The following NEGR1 variants were observed in gnomAD, a reference collection of about 807,000 sequenced individuals.
NEGR1 encodes the protein neuronal growth regulator 1.
NEGR1 carries 10 observed loss-of-function variants against 40.9 expected under a neutral mutation model. That is an observed-to-expected ratio of 0.24 (90% confidence interval 0.15 to 0.42). NEGR1 has a LOEUF of 0.42. NEGR1 is among the 10% of genes least tolerant of loss of function. The pLI is 1.00. For missense variants in NEGR1, 352 were observed against 438.9 expected (o/e 0.80, Z 1.77); for synonymous variants, 185 against 166.8 (o/e 1.11, Z -0.84).
intron 6 of NEGR1, among the ~76,000 whole-genome samples, chr1:71,470,272 A>G (rs548611921): frequency 1.8e-4 from 27 of 152,062 alleles, no homozygotes; most frequent in African/African-American, 6.0e-4. Context: ...CATGTTTATT[A>G]CAGATACTGA....
intron 6 of NEGR1, among the ~76,000 whole-genome samples, chr1:71,470,929 C>T (rs1462689088): frequency 6.6e-6 from 1 of 152,078 alleles, no homozygotes. Flanking sequence ...TGCTTCTCTC[C>T]TCATTTTGTT....
chr1:71,749,744 A>G (rs1655504391), intron 3 of NEGR1, among the ~76,000 whole-genome samples: 2 of 152,218 alleles, frequency 1.3e-5, no homozygotes, highest in African/African-American at 4.8e-5. Context: ...TTCCTGTTCA[A>G]TATTTAGAAG....
intron 1 of NEGR1, among the ~76,000 whole-genome samples, chr1:72,040,792 T>A (rs777694288): frequency 1.3e-5 from 2 of 151,774 alleles, no homozygotes; most frequent in African/African-American, 2.4e-5. Flanking sequence ...ATTGAAGTTG[T>A]AAAAAATAGC....
chr1:71,838,320 A>C (rs2101799431), intron 2 of NEGR1, among the ~76,000 whole-genome samples: 1 of 152,274 alleles, frequency 6.6e-6, no homozygotes, highest in Non-Finnish European at 1.5e-5. Flanking sequence ...TAACCATGTA[A>C]GAAAGCACAT....
intron 6 of NEGR1, among the ~76,000 whole-genome samples, chr1:71,555,787 C>G (rs577029161): frequency 1.1e-4 from 17 of 151,568 alleles, no homozygotes; most frequent in African/African-American, 3.9e-4. Context: ...TTTCTGTAAT[C>G]CAAGAAGTTG....
intron 2 of NEGR1, among the ~76,000 whole-genome samples, chr1:71,931,350 T>C (rs1645853761): frequency 6.6e-6 from 1 of 152,200 alleles, no homozygotes; most frequent in African/African-American, 2.4e-5. Context: ...CAATCTAGAC[T>C]TTAAACGTCA....
intron 1 of NEGR1, among the ~76,000 whole-genome samples, chr1:72,007,038 C>A (rs543169673): frequency 2.0e-4 from 30 of 152,196 alleles, no homozygotes; most frequent in Admixed American, 6.5e-4. Context: ...ACCATTCCTT[C>A]CAAAAGTCAA....
intron 4 of NEGR1, among the ~76,000 whole-genome samples, chr1:71,659,529 T>C (rs1651984498): frequency 6.6e-6 from 1 of 152,028 alleles, no homozygotes; most frequent in Admixed American, 6.6e-5. Context: ...AAACTATCAA[T>C]AGAGTAAACA....
At chr1:72,188,889 TAAAAA>T (rs1214443622) in intron 1 of NEGR1, among the ~76,000 whole-genome samples, 1 of 151,588 alleles carries the variant, frequency 6.6e-6, no homozygotes, top group Non-Finnish European at 1.5e-5. Flanking sequence ...GGATTGCAGA[TAAAAA>T]CAAAACAAGA....
chr1:72,182,506 T>TA (rs1233975313), intron 1 of NEGR1, among the ~76,000 whole-genome samples: 6 of 151,802 alleles, frequency 4.0e-5, no homozygotes, highest in African/African-American at 1.2e-4. Context: ...ATAAAATAAA[T>TA]ACATACAAAT....
At chr1:71,843,189 A>T (rs1659302158) in intron 2 of NEGR1, among the ~76,000 whole-genome samples, 1 of 152,178 alleles carries the variant, frequency 6.6e-6, no homozygotes, top group Admixed American at 6.6e-5. Flanking sequence ...GGCTGTCATT[A>T]GTCTCCAGGC....
chr1:72,178,928 C>A (rs137955890), intron 1 of NEGR1, among the ~76,000 whole-genome samples: 52 of 151,752 alleles, frequency 3.4e-4, no homozygotes, highest in Admixed American at 8.5e-4. Flanking sequence ...GTTTGAGTTG[C>A]TTATAGATTC....
intron 4 of NEGR1, among the ~76,000 whole-genome samples, chr1:71,694,176 T>G (rs893749822): frequency 6.6e-6 from 1 of 151,696 alleles, no homozygotes. Flanking sequence ...GCAAATAAAA[T>G]GGGGAATCTG....
intron 2 of NEGR1, among the ~76,000 whole-genome samples, chr1:71,879,087 C>T (rs1021033629): frequency 8.6e-5 from 13 of 150,696 alleles, no homozygotes; most frequent in Admixed American, 7.3e-4. Flanking sequence ...GAGCTGAGAT[C>T]GCGCCATTGC....
At chr1:71,456,937 GACTTT>G (rs1646676917) in intron 6 of NEGR1, among the ~76,000 whole-genome samples, 1 of 152,154 alleles carries the variant, frequency 6.6e-6, no homozygotes, top group African/African-American at 2.4e-5. Flanking sequence ...GTTTGCCTGG[GACTTT>G]ACTAGCTTTA....
At chr1:72,245,604 T>C (rs1257144802) in intron 1 of NEGR1, among the ~76,000 whole-genome samples, 2 of 152,148 alleles carry the variant, frequency 1.3e-5, no homozygotes, top group Non-Finnish European at 2.9e-5. Flanking sequence ...TATAGAAGAA[T>C]AATATTTTTG....
chr1:71,449,094 G>A (rs1007704464), intron 6 of NEGR1, among the ~76,000 whole-genome samples: 5 of 152,160 alleles, frequency 3.3e-5, no homozygotes, highest in Non-Finnish European at 5.9e-5. Context: ...GGAAGTAATA[G>A]ATACTTCCTA....
intron 2 of NEGR1, among the ~76,000 whole-genome samples, chr1:71,887,322 A>G (rs1464248183): frequency 6.6e-6 from 1 of 152,124 alleles, no homozygotes; most frequent in Non-Finnish European, 1.5e-5. Context: ...GGATCCATGC[A>G]GTTCAAATTT....
chr1:72,042,911 T>C (rs1375503327), intron 1 of NEGR1, among the ~76,000 whole-genome samples: 2 of 151,972 alleles, frequency 1.3e-5, no homozygotes, highest in Non-Finnish European at 1.5e-5. Flanking sequence ...TAAACAGATA[T>C]GGGGCTAGAG....
Sources: gnomAD v4.1 joint callset for allele counts (sites outside exome capture counted in the v4.1 genomes callset) on GRCh38, gnomAD v4.1.1 for gene constraint, MANE v1.5 for transcripts, NCBI Gene and HGNC (gene_info 2026-07-23, HGNC 2026-07-21) for gene names.